Variants in SLC39A11 observed in about 807,000 individuals in gnomAD.
SLC39A11 encodes the protein solute carrier family 39 member 11, also known as zinc transporter ZIP11.
In SLC39A11, 33 loss-of-function variants were observed where a neutral mutation model predicts 36.1. That is an observed-to-expected ratio of 0.91 (90% CI 0.69 to 1.22). The LOEUF (loss-of-function observed/expected upper bound fraction) is 1.22. SLC39A11 is among the 50% of genes most tolerant of loss of function. The pLI is 0.00. For missense variants in SLC39A11, 432 were observed against 430.3 expected (o/e 1.00, Z -0.03); for synonymous variants, 166 against 170.3 (o/e 0.97, Z 0.20).
At chr17:72,994,008 G>A (rs1461959506) in intron 4 of SLC39A11, among the ~76,000 whole-genome samples, 3 of 152,034 alleles carry the variant, frequency 2.0e-5, no homozygotes, top group African/African-American at 7.3e-5. Flanking sequence ...CCTATTCTTG[G>A]TCCTGTATTT....
chr17:73,020,235 G>A (rs2058296772), intron 4 of SLC39A11, among the ~76,000 whole-genome samples: 1 of 152,224 alleles, frequency 6.6e-6, no homozygotes. Flanking sequence ...GCCCCAGTGG[G>A]ATGGGAAGCT....
At chr17:72,662,065 G>A (rs2070447452) in intron 7 of SLC39A11, among the ~76,000 whole-genome samples, 1 of 152,158 alleles carries the variant, frequency 6.6e-6, no homozygotes, top group Admixed American at 6.5e-5. Context: ...ATACAATGTG[G>A]TGGGGGCACA....
At chr17:72,789,605 C>T (rs564772192) in intron 6 of SLC39A11, among the ~76,000 whole-genome samples, 32 of 152,178 alleles carry the variant, frequency 2.1e-4, no homozygotes, top group Non-Finnish European at 3.4e-4. Context: ...TTATTGGTCA[C>T]CCACTGTGCA....
intron 6 of SLC39A11, among the ~76,000 whole-genome samples, chr17:72,769,196 C>T (rs1443269567): frequency 6.6e-6 from 1 of 152,186 alleles, no homozygotes; most frequent in Non-Finnish European, 1.5e-5. Flanking sequence ...ATGCCTTAAT[C>T]CTACCTGGGG....
intron 7 of SLC39A11, among the ~76,000 whole-genome samples, chr17:72,704,106 C>A (rs765449632): frequency 1.3e-5 from 2 of 152,194 alleles, no homozygotes; most frequent in Non-Finnish European, 2.9e-5. Flanking sequence ...CTAGCCTGGA[C>A]GACGGAGTGA....
rs183579950 is a variant in SLC39A11, at chr17:72,998,243, G to A, written c.306+33313C>T. Among the ~76,000 whole-genome samples the A allele has an allele frequency of 1.9e-3, 288 of 152,212 alleles. 2 individuals are homozygous for A. Among genetic ancestry groups the A allele is most frequent in the Non-Finnish European group, 1.8e-3 (123 of 68,010 alleles). Reference sequence around the variant, plus strand: ...TAAGGACCACCATCCTCCTTTTAACGAGGATAGGATGTAGAGCCGTGCTAT... The same window carrying A: ...TAAGGACCACCATCCTCCTTTTAACAAGGATAGGATGTAGAGCCGTGCTAT... On this transcript the variant is annotated intron_variant, in intron 4 of 9. Transcript: ENST00000255559.
intron 5 of SLC39A11, among the ~76,000 whole-genome samples, chr17:72,917,960 A>C (rs1001378428): frequency 6.6e-6 from 1 of 152,210 alleles, no homozygotes; most frequent in South Asian, 2.1e-4. Context: ...AACTAATGGG[A>C]TCCAAAGACC....
At chr17:72,737,586 AT>A (rs200832930) in intron 6 of SLC39A11, among the ~76,000 whole-genome samples, 7 of 151,296 alleles carry the variant, frequency 4.6e-5, no homozygotes, top group African/African-American at 7.3e-5. Flanking sequence ...TTTAGTTTTC[AT>A]TTTTTTTTCC....
At chr17:72,688,223 A>AT (rs2071847643) in intron 7 of SLC39A11, among the ~76,000 whole-genome samples, 1 of 152,230 alleles carries the variant, frequency 6.6e-6, no homozygotes, top group Non-Finnish European at 1.5e-5. Context: ...CAGAACAAGA[A>AT]TAGGGCCTAA....
At chr17:72,718,420 C>T (rs1005475865) in intron 7 of SLC39A11, among the ~76,000 whole-genome samples, 56 of 152,248 alleles carry the variant, frequency 3.7e-4, no homozygotes, top group Non-Finnish European at 8.8e-5. Flanking sequence ...GCCTGGGCAA[C>T]AGAGCAAGAC....
chr17:72,897,193 T>C (rs144086290), intron 5 of SLC39A11, among the ~76,000 whole-genome samples: 1,632 of 151,756 alleles, frequency 0.011, 33 homozygotes, highest in African/African-American at 0.038. Context: ...ATGGCAGAGA[T>C]GATGAAGGCC....
At chr17:72,808,651 A>G (rs770388212) in intron 6 of SLC39A11, among the ~76,000 whole-genome samples, 1 of 152,160 alleles carries the variant, frequency 6.6e-6, no homozygotes, top group Non-Finnish European at 1.5e-5. Context: ...GATTTCTGCA[A>G]TTGCTCCTAT....
At chr17:72,800,585 CA>C (rs780867540) in intron 6 of SLC39A11, among the ~76,000 whole-genome samples, 39 of 152,266 alleles carry the variant, frequency 2.6e-4, no homozygotes, top group African/African-American at 9.1e-4. Flanking sequence ...TGCTAGATTA[CA>C]GTCATGAGCC....
chr17:72,715,145 G>A (rs2073296924), intron 7 of SLC39A11, among the ~76,000 whole-genome samples: 2 of 152,190 alleles, frequency 1.3e-5, no homozygotes, highest in Admixed American at 6.5e-5. Flanking sequence ...GCCACGAAAG[G>A]GGCCCCGGGA....
At chr17:72,857,149 A>G (rs1378540014) in intron 5 of SLC39A11, among the ~76,000 whole-genome samples, 1 of 151,998 alleles carries the variant, frequency 6.6e-6, no homozygotes, top group Non-Finnish European at 1.5e-5. Flanking sequence ...TCCACCCTCA[A>G]GCAGGCTCTA....
chr17:72,666,618 T>C (rs1167425459), intron 7 of SLC39A11, among the ~76,000 whole-genome samples: 1 of 152,214 alleles, frequency 6.6e-6, no homozygotes, highest in Non-Finnish European at 1.5e-5. Flanking sequence ...CCTTCACTTA[T>C]CCTTGGGGCA....
chr17:72,901,556 T>C (rs1307170690), intron 5 of SLC39A11, among the ~76,000 whole-genome samples: 2 of 152,148 alleles, frequency 1.3e-5, no homozygotes, highest in Admixed American at 6.5e-5. Flanking sequence ...GTTTGGACTA[T>C]AACTGGATAT....
In SLC39A11 at chr17:72,662,730, GAGAA is replaced by G. The variant is rs1322772437; in HGVS notation, c.672-13466_672-13463del. 8.0e-4 allele frequency among the ~76,000 whole-genome samples: 93 copies of G among 116,198 alleles called. 1 individual carries two copies. The highest frequency in any genetic ancestry group is 2.9e-3 in the African/African-American group (87 of 30,460). The allele number at this position is 116,198 out of a possible 152,430, so 76.2% of individuals were successfully genotyped here. On this transcript the variant is annotated intron_variant, in intron 7 of 9. Coordinates refer to ENST00000255559, the MANE Select transcript of SLC39A11 (RefSeq NM_139177.4). ...GGAAGAAAGAGAAGAAAGAGAGAGA[GAGAA>G]AGAAAAAAGAAAAAAAGGAAGGAAA...
chr17:72,755,533 G>A (rs765901405), intron 6 of SLC39A11, among the ~76,000 whole-genome samples: 32 of 152,230 alleles, frequency 2.1e-4, no homozygotes, highest in Non-Finnish European at 3.8e-4. Context: ...TCCAGCAAGG[G>A]TGCAGGCAAG....
Sources: allele counts gnomAD v4.1 joint callset (sites outside exome capture counted in the v4.1 genomes callset), GRCh38; gene constraint gnomAD v4.1.1; transcripts MANE v1.5; gene names NCBI Gene and HGNC (gene_info 2026-07-23, HGNC 2026-07-21).